Variants in FMNL3 observed in about 807,000 individuals in gnomAD.
The protein encoded by FMNL3 is formin-like protein 3.
A neutral mutation model predicts 119.6 loss-of-function variants in FMNL3; 57 were observed. The ratio of observed to expected loss-of-function variants is 0.48; its 90% confidence interval spans 0.39 to 0.59. The LOEUF is 0.59. Among genes scored for constraint, FMNL3 ranks in the 20% least tolerant of loss-of-function variants. The pLI is 0.00. For missense variants in FMNL3, 1,053 were observed against 1,323.5 expected (o/e 0.80, Z 3.17); for synonymous variants, 491 against 507.3 (o/e 0.97, Z 0.43).
chr12:49,652,059 C>A lies in FMNL3; in HGVS notation c.1477G>T (p.Glu493Ter). ...SEALARVGPA[E>*]LSEGMPPSDL... ...GAGGGTGGCATGCCCTCACTCAGCTCTGCAGGGCCTACTCTGGCCAGGGCC... is the reference window on the plus strand; with the variant it reads ...GAGGGTGGCATGCCCTCACTCAGCTATGCAGGGCCTACTCTGGCCAGGGCC... The change falls in exon 14 of 26, where the codon GAG becomes TAG. Residue 493 changes from glutamate to a stop codon, truncating the protein, a stop_gained. Coordinates refer to ENST00000335154, the MANE Select transcript of FMNL3 (RefSeq NM_175736.5). LOFTEE classifies it high-confidence loss of function. 1 of 1,611,788 alleles carries A rather than the reference C, an allele frequency of 6.2e-7. No individual in the cohort carries two copies. Among genetic ancestry groups the A allele is most frequent in the Non-Finnish European group, 8.5e-7 (1 of 1,179,086 alleles).
Position 49,637,648 on chromosome 12 carries a change from C to CCTA in FMNL3, c.*8164_*8166dup. 1 of 1,569,140 alleles carries CCTA rather than the reference C, an allele frequency of 6.4e-7. No individual in the cohort carries two copies. The highest frequency in any genetic ancestry group is 8.7e-7 in the Non-Finnish European group (1 of 1,142,878). On this transcript the variant is annotated 3_prime_UTR_variant, in exon 26 of 26. Coordinates refer to ENST00000335154, the MANE Select transcript of FMNL3 (RefSeq NM_175736.5). Reference sequence around the variant, plus strand: ...CTGCCCTGCCAGCCTCTCTGCACCCCCTACTACCGGCTCCTGTCCTCGGCC... The same window carrying CCTA: ...CTGCCCTGCCAGCCTCTCTGCACCCCCTACTACTACCGGCTCCTGTCCTCGGCC...
rs145198596 is a variant in FMNL3 at position 49,636,886 on chromosome 12, C to G, written c.*8929G>C. 353 of 1,612,174 alleles carry G rather than the reference C, an allele frequency of 2.2e-4. No homozygotes were observed. Among genetic ancestry groups the G allele is most frequent in the Non-Finnish European group, 2.6e-4 (305 of 1,179,870 alleles). On this transcript the variant is annotated 3_prime_UTR_variant, in exon 26 of 26. Coordinates refer to ENST00000335154, the MANE Select transcript of FMNL3 (RefSeq NM_175736.5). ...GTCCTTTCTAGATCAGAGCTCAGCT[C>G]TGCCCTAGAGCACAACCTCTTCACC...
intron 1 of FMNL3, among the ~76,000 whole-genome samples, chr12:49,672,359 A>G (rs975181077): frequency 1.3e-5 from 2 of 152,130 alleles, no homozygotes; most frequent in African/African-American, 4.8e-5. Flanking sequence ...AACAGTCACA[A>G]TAGGAGATGT....
chr12:49,656,972 T>C lies in FMNL3; in HGVS notation c.715-73A>G, dbSNP rs550346409. The C allele has an allele frequency of 3.9e-6, 6 of 1,530,110 alleles. No homozygotes were observed. The South Asian group carries it at 6.8e-5, about 17-fold the overall frequency. 94.8% of individuals were successfully genotyped at this position (1,530,110 alleles called of 1,614,324 possible). A position where few individuals can be genotyped will look rare whatever the true frequency, so the allele number is the denominator to read the frequency against. On this transcript the variant is annotated intron_variant, in intron 7 of 25. Transcript: ENST00000335154. ...GGAGCCCAGCCAATCTCCTTGACCGTAGGCCCACCAGCAAACCTGTCTTTT... is the reference window on the plus strand; with the variant it reads ...GGAGCCCAGCCAATCTCCTTGACCGCAGGCCCACCAGCAAACCTGTCTTTT...
At chr12:49,699,854 G>GA (rs1944854029) in intron 1 of FMNL3, among the ~76,000 whole-genome samples, 1 of 152,152 alleles carries the variant, frequency 6.6e-6, no homozygotes, top group African/African-American at 2.4e-5. Context: ...ACTGGCAAAG[G>GA]CTTTAAAAAC....
intron 1 of FMNL3, among the ~76,000 whole-genome samples, chr12:49,673,114 C>G (rs1565884112): frequency 6.6e-6 from 1 of 152,158 alleles, no homozygotes; most frequent in Non-Finnish European, 1.5e-5. Context: ...TGTCTTCTCC[C>G]AAGTGTGGTA....
At chr12:49,691,729 T>G (rs1043622018) in intron 1 of FMNL3, among the ~76,000 whole-genome samples, 1 of 151,592 alleles carries the variant, frequency 6.6e-6, no homozygotes, top group Non-Finnish European at 1.5e-5. Flanking sequence ...GCCTTTTTTT[T>G]CCCCCCATTA....
rs1397611949 is a variant in FMNL3, at chr12:49,653,746, C to T, written c.1200G>A (p.Glu400=). The change falls in exon 12 of 26, where the codon GAG becomes GAA. Residue 400 remains glutamate, a synonymous_variant. Coordinates refer to ENST00000335154, the MANE Select transcript of FMNL3 (RefSeq NM_175736.5). ...CTACATGGGACACATGCTCCTCCAACTCCTCCACCTTCTCCAGGGCTACAT... is the reference window on the plus strand; with the variant it reads ...CTACATGGGACACATGCTCCTCCAATTCCTCCACCTTCTCCAGGGCTACAT... ...TKNVALEKVE[E]LEEHVSHLTE... is the part of the protein sequence containing the mutation. 1 of 1,614,214 alleles carries T rather than the reference C, an allele frequency of 6.2e-7. No individual in the cohort carries two copies. The highest frequency in any genetic ancestry group is 1.7e-5 in the Admixed American group (1 of 60,028).
At chr12:49,704,902 C>T (rs962281805) in intron 1 of FMNL3, among the ~76,000 whole-genome samples, 1 of 152,050 alleles carries the variant, frequency 6.6e-6, no homozygotes, top group Non-Finnish European at 1.5e-5. Context: ...AGCCAGAGTC[C>T]TTGATTTTTC....
At chr12:49,695,709 A>G (rs1250298039) in intron 1 of FMNL3, among the ~76,000 whole-genome samples, 4 of 152,228 alleles carry the variant, frequency 2.6e-5, no homozygotes, top group Non-Finnish European at 5.9e-5. Flanking sequence ...CTCAGAAAAA[A>G]ACAGAGTGTT....
intron 1 of FMNL3, among the ~76,000 whole-genome samples, chr12:49,672,240 C>T (rs953870335): frequency 1.3e-5 from 2 of 152,078 alleles, no homozygotes; most frequent in Non-Finnish European, 2.9e-5. Flanking sequence ...ACTGATCCTG[C>T]TCTGGCTTCC....
At chr12:49,679,371 C>T (rs1358470133) in intron 1 of FMNL3, among the ~76,000 whole-genome samples, 2 of 152,088 alleles carry the variant, frequency 1.3e-5, no homozygotes, top group Non-Finnish European at 2.9e-5. Flanking sequence ...TCCTTCAGGA[C>T]CAATCAGTAC....
chr12:49,648,112 A>T (rs1943267782), intron 22 of FMNL3, 81 bp downstream of exon 22: 3 of 1,490,944 alleles, frequency 2.0e-6, no homozygotes, highest in Non-Finnish European at 2.7e-6. Context: ...TTTAAAAAAA[A>T]AAAAAAATAG....
rs778627558 is a variant in FMNL3, at chr12:49,652,101, C to T, written c.1435G>A (p.Glu479Lys). 6.2e-7 allele frequency: 1 copy of T among 1,612,976 alleles called. No individual in the cohort carries two copies. The stretch of plus-strand genomic sequence containing the variant: ...GCCAGGGCCTCACTGTCCACAGACT[C>T]CAGGCCCCGGACATTTGGCTCCAAA... ...CHLEPNVRGL[E>K]SVDSEALARV... The change falls in exon 14 of 26, where the codon GAG (glutamate) becomes AAG (lysine). Residue 479 changes from glutamate to lysine, a missense_variant. This residue lies in a region of FMNL3 where 445 missense variants were observed against 628.4 expected (regional missense o/e 0.71). Coordinates refer to ENST00000335154, the MANE Select transcript of FMNL3 (RefSeq NM_175736.5).
At position 49,641,810 on chromosome 12, in the gene FMNL3, C is replaced by T. The variant is rs1235841712; in HGVS notation, c.*4005G>A. 2.1e-6 allele frequency: 2 copies of T among 966,272 alleles called. No homozygotes were observed. Among genetic ancestry groups the T allele is most frequent in the Non-Finnish European group, 3.3e-6 (2 of 614,730 alleles). 59.9% of individuals were successfully genotyped at this position (966,272 alleles called of 1,614,324 possible). Reference sequence around the variant, plus strand: ...CAGTCCTGTGGATCTCTTCCAGAGGCAAGGGCCTTCTTGACCATCTGTAAT... The same window carrying T: ...CAGTCCTGTGGATCTCTTCCAGAGGTAAGGGCCTTCTTGACCATCTGTAAT... On this transcript the variant is annotated 3_prime_UTR_variant, in exon 26 of 26. Transcript: ENST00000335154.
intron 1 of FMNL3, among the ~76,000 whole-genome samples, chr12:49,691,727 T>C (rs926828166): frequency 1.1e-4 from 17 of 152,006 alleles, no homozygotes; most frequent in African/African-American, 3.4e-4. Context: ...GAGCCTTTTT[T>C]TTCCCCCCAT....
intron 1 of FMNL3, among the ~76,000 whole-genome samples, chr12:49,693,836 C>T (rs577279201): frequency 8.6e-5 from 13 of 151,020 alleles, no homozygotes; most frequent in South Asian, 6.3e-4. Context: ...TTAGTAGAGG[C>T]GGGGTTTCTC....
chr12:49,705,318 T>C (rs1291030576), intron 1 of FMNL3, among the ~76,000 whole-genome samples: 1 of 152,208 alleles, frequency 6.6e-6, no homozygotes. Context: ...TCTGGTGTCC[T>C]GGTTAACTAG....
chr12:49,703,247 C>G (rs1215230829), intron 1 of FMNL3, among the ~76,000 whole-genome samples: 1 of 152,194 alleles, frequency 6.6e-6, no homozygotes, highest in Non-Finnish European at 1.5e-5. Flanking sequence ...CCCTCTGCCT[C>G]CCCTCTCTAT....
Sources: gnomAD v4.1 joint callset for allele counts (sites outside exome capture counted in the v4.1 genomes callset) on GRCh38, gnomAD v4.1.1 for gene constraint, gnomAD v4.1.1 regional missense constraint, MANE v1.5 for transcripts, NCBI Gene and HGNC (gene_info 2026-07-23, HGNC 2026-07-21) for gene names.